ACSL5: variants seen among roughly 807,000 people sequenced by gnomAD.
ACSL5 encodes long-chain-fatty-acid--CoA ligase 5.
A neutral mutation model predicts 84.9 loss-of-function variants in ACSL5; 50 were observed. That is an observed-to-expected ratio of 0.59 (90% CI 0.47 to 0.75). The LOEUF is 0.75. ACSL5 is among the 30% of genes least tolerant of loss of function. The pLI is 0.00. For synonymous variants in ACSL5, 280 were observed against 300.7 expected (o/e 0.93, Z 0.71); for missense variants, 775 against 830.4 (o/e 0.93, Z 0.82).
At chr10:112,406,075 T>C (rs552739132) in intron 5 of ACSL5, 1 of 151,570 alleles carries the variant, frequency 6.6e-6, no homozygotes, top group Non-Finnish European at 1.5e-5. Flanking sequence ...AAAAAAAAAA[T>C]CCACAAGCAG....
chr10:112,416,248 G>A (rs924007911), intron 12 of ACSL5, among the ~76,000 whole-genome samples: 9 of 152,024 alleles, frequency 5.9e-5, no homozygotes, highest in Non-Finnish European at 2.9e-5. Flanking sequence ...AAGGCGGGCA[G>A]ATCACGAGGT....
chr10:112,421,609 G>A lies in ACSL5; in HGVS notation c.1331G>A (p.Gly444Asp). The A allele has an allele frequency of 6.2e-7, 1 of 1,614,176 alleles. No individual in the cohort carries two copies. The change falls in exon 15 of 21, where the codon GGT (glycine) becomes GAT (aspartate). Residue 444 changes from glycine (G) to aspartate (D), a missense_variant. Transcript: ENST00000354655. ...GTTTCCCAGGTGTATGAAGCTTATG[G>A]TCAAACAGAATGCACAGGTGGCTGT... is the stretch of plus-strand genomic sequence containing the variant. ...AMGCQVYEAY[G>D]QTECTGGCTF...
intron 5 of ACSL5, among the ~76,000 whole-genome samples, chr10:112,407,248 G>A (rs758898301): frequency 2.6e-5 from 4 of 151,894 alleles, no homozygotes; most frequent in East Asian, 3.9e-4. Flanking sequence ...TTTGTGAGAC[G>A]GAGTTTCACT....
At chr10:112,400,433 G>A (rs1485353183) in intron 3 of ACSL5, among the ~76,000 whole-genome samples, 8 of 96,020 alleles carry the variant, frequency 8.3e-5, no homozygotes, top group African/African-American at 3.2e-4. Context: ...TTTTTGAGAT[G>A]GAGTCTCGCT....
chr10:112,376,296 G>A (rs757020279), intron 1 of ACSL5: 12 of 1,613,978 alleles, frequency 7.4e-6, no homozygotes, highest in South Asian at 4.4e-5. Context: ...ACTCTGGGCC[G>A]GCCTTCTGCC....
At chr10:112,417,267 C>T (rs538474402) in intron 13 of ACSL5, among the ~76,000 whole-genome samples, 5 of 146,610 alleles carry the variant, frequency 3.4e-5, no homozygotes, top group African/African-American at 1.3e-4. Context: ...CTTTGGGAGG[C>T]CTAGGTGGGT....
At chr10:112,416,065 G>T (rs1243181880) in intron 12 of ACSL5, among the ~76,000 whole-genome samples, 1 of 152,154 alleles carries the variant, frequency 6.6e-6, no homozygotes, top group African/African-American at 2.4e-5. Context: ...GTTGGGGTTT[G>T]TATGGTGTGG....
chr10:112,378,426 T>A (rs183757989), intron 1 of ACSL5, among the ~76,000 whole-genome samples: 1 of 151,982 alleles, frequency 6.6e-6, no homozygotes, highest in African/African-American at 2.4e-5. Context: ...TTTGTACTTT[T>A]AGTAGAGACA....
At chr10:112,417,074 T>C (rs756655150) in intron 13 of ACSL5, 52 bp downstream of exon 13, 1 of 1,596,870 alleles carries the variant, frequency 6.3e-7, no homozygotes, top group Non-Finnish European at 8.6e-7. Context: ...GGCTGCCTTC[T>C]GACTCCTTAG....
intron 1 of ACSL5, among the ~76,000 whole-genome samples, chr10:112,382,721 C>T (rs144319019): frequency 6.6e-6 from 1 of 152,332 alleles, no homozygotes; most frequent in African/African-American, 2.4e-5. Flanking sequence ...CTGTCTGAAG[C>T]CTAGACTCTT....
rs767665909 is a variant in ACSL5 at position 112,410,631 on chromosome 10, C to T, written c.792C>T (p.Thr264=). Residue 264 remains threonine (T), a synonymous_variant, in exon 9 of 21, where the codon ACC becomes ACT. Coordinates refer to ENST00000354655, the MANE Select transcript of ACSL5 (RefSeq NM_203379.2). ...GCGTCATCTGCTTCACCAGTGGGAC[C>T]ACAGGTCTGTGCCCATGAAACTGAA... is the stretch of plus-strand genomic sequence containing the variant. The part of the protein sequence containing the change: ...DLSVICFTSG[T]TGDPKGAMIT... The T allele has an allele frequency of 1.2e-6, 2 of 1,613,378 alleles. No homozygotes were observed. The highest frequency in any genetic ancestry group is 1.7e-6 in the Non-Finnish European group (2 of 1,179,844).
intron 1 of ACSL5, among the ~76,000 whole-genome samples, chr10:112,381,821 G>C (rs1289777339): frequency 6.6e-6 from 1 of 152,128 alleles, no homozygotes; most frequent in Non-Finnish European, 1.5e-5. Context: ...ACAAAAATTA[G>C]CTGGGCGTGG....
intron 1 of ACSL5, among the ~76,000 whole-genome samples, chr10:112,383,632 G>A (rs999479364): frequency 6.6e-6 from 1 of 152,208 alleles, no homozygotes; most frequent in African/African-American, 2.4e-5. Context: ...CAACATGAGG[G>A]CTTGGAAGAG....
In ACSL5 at chr10:112,416,913, T is replaced by G; in HGVS notation, c.1109T>G (p.Leu370Trp). The G allele has an allele frequency of 6.2e-7, 1 of 1,614,120 alleles. No individual in the cohort carries two copies. The highest frequency in any genetic ancestry group is 2.2e-5 in the East Asian group (1 of 44,876). The change falls in exon 13 of 21, where the codon TTG becomes TGG. Residue 370 changes from leucine to tryptophan, a missense_variant. By Grantham distance (61) the Leu-to-Trp change is moderately conservative (BLOSUM62 -2). Transcript: ENST00000354655. Reference sequence around the variant, plus strand: ...GTACAAAATGAGGCCAAGACACCCTTGAAGAAGTTCTTGTTGAAGCTGGCT... The same window carrying G: ...GTACAAAATGAGGCCAAGACACCCTGGAAGAAGTTCTTGTTGAAGCTGGCT... ...DKVQNEAKTP[L>W]KKFLLKLAVS... is the part of the protein sequence containing the mutation.
At chr10:112,401,839 T>TCTTC (rs59769866) in intron 3 of ACSL5, among the ~76,000 whole-genome samples, 4,816 of 91,832 alleles carry the variant, frequency 0.052, 148 homozygotes, top group Non-Finnish European at 0.071. Flanking sequence ...TTTCTTTCTT[T>TCTTC]CTTCCTTCCT....
intron 1 of ACSL5, among the ~76,000 whole-genome samples, chr10:112,382,524 C>T (rs1300109724): frequency 6.6e-6 from 1 of 152,170 alleles, no homozygotes; most frequent in Non-Finnish European, 1.5e-5. Flanking sequence ...ATCCATGAGT[C>T]CCAGGAAGCC....
At chr10:112,423,024 T>TA (rs1426503504) in intron 17 of ACSL5, among the ~76,000 whole-genome samples, 1 of 143,582 alleles carries the variant, frequency 7.0e-6, no homozygotes, top group African/African-American at 2.6e-5. Flanking sequence ...CCGTCTCTAC[T>TA]AAAAATACAA....
chr10:112,391,361 T>C (rs1291225157), intron 1 of ACSL5, among the ~76,000 whole-genome samples: 1 of 107,350 alleles, frequency 9.3e-6, no homozygotes, highest in African/African-American at 3.0e-5. Context: ...AGAGCCAGAC[T>C]GTGCCTCAAA....
chr10:112,404,452 T>A (rs1843982871), intron 3 of ACSL5, 59 bp from the exon 4 acceptor site: 5 of 1,356,126 alleles, frequency 3.7e-6, no homozygotes, highest in African/African-American at 2.9e-5. Flanking sequence ...TCCTTTTAGC[T>A]TCCTTGGTCC....
Sources: gnomAD v4.1 joint callset for allele counts (sites outside exome capture counted in the v4.1 genomes callset) on GRCh38, gnomAD v4.1.1 for gene constraint, MANE v1.5 for transcripts, NCBI Gene and HGNC (gene_info 2026-07-23, HGNC 2026-07-21) for gene names.